Variants in FHIT observed in about 807,000 individuals in gnomAD.
The protein encoded by FHIT is fragile histidine triad diadenosine triphosphatase, also known as bis(5'-adenosyl)-triphosphatase.
FHIT carries 19 observed loss-of-function variants against 17.9 expected under a neutral mutation model. That is an observed-to-expected ratio of 1.06 (90% CI 0.74 to 1.56). The LOEUF (loss-of-function observed/expected upper bound fraction) is 1.56, where lower values mean the gene tolerates loss of function less well. Among genes scored for constraint, FHIT ranks in the 40% most tolerant of loss-of-function variants. FHIT has a pLI of 0.00. For missense variants in FHIT, 248 were observed against 189.2 expected (o/e 1.31, Z -1.82); for synonymous variants, 81 against 69.7 (o/e 1.16, Z -0.81).
chr3:60,900,375 T>C (rs149305876), intron 3 of FHIT, among the ~76,000 whole-genome samples: 32 of 152,006 alleles, frequency 2.1e-4, no homozygotes, highest in African/African-American at 7.7e-4. Context: ...TAGTGCACTA[T>C]GATTATACCT....
rs192368427 is a variant in FHIT, at chr3:60,285,449, G to A, written c.103+251411C>T. On this transcript the variant is annotated intron_variant, in intron 5 of 9. Coordinates refer to ENST00000492590, the MANE Select transcript of FHIT (RefSeq NM_002012.4). ...GAGATAAATAAAATGAATAATGAAC[G>A]GCAGACTTAAAAATTATGACATTTT... is the stretch of plus-strand genomic sequence containing the variant. Among the ~76,000 whole-genome samples the A allele has an allele frequency of 6.0e-3, 913 of 152,106 alleles. 5 individuals are homozygous for A. Among genetic ancestry groups the A allele is most frequent in the South Asian group, 0.015 (70 of 4,800 alleles).
intron 8 of FHIT, among the ~76,000 whole-genome samples, chr3:59,893,569 C>A (rs916807795): frequency 6.6e-6 from 1 of 152,174 alleles, no homozygotes; most frequent in African/African-American, 2.4e-5. Context: ...ATTATAAGTG[C>A]GCTGAACAGC....
At chr3:61,151,603 TCA>T in intron 2 of FHIT, among the ~76,000 whole-genome samples, 1 of 147,830 alleles carries the variant, frequency 6.8e-6, no homozygotes. Context: ...AGATGGAGTC[TCA>T]CTCTGCCACC....
chr3:59,947,159 T>C (rs1706850679), intron 7 of FHIT, among the ~76,000 whole-genome samples: 1 of 152,184 alleles, frequency 6.6e-6, no homozygotes, highest in African/African-American at 2.4e-5. Flanking sequence ...TTTCTAGTTG[T>C]TGGGCAATTT....
chr3:60,117,334 A>C (rs1310992765), intron 5 of FHIT, among the ~76,000 whole-genome samples: 1 of 152,176 alleles, frequency 6.6e-6, no homozygotes, highest in Non-Finnish European at 1.5e-5. Context: ...AAAATATGGA[A>C]GTTCAAATTG....
chr3:61,101,039 G>A (rs2035804926), intron 2 of FHIT, among the ~76,000 whole-genome samples: 1 of 152,162 alleles, frequency 6.6e-6, no homozygotes, highest in South Asian at 2.1e-4. Context: ...AGTTTCTTTT[G>A]CTGTGCAGAA....
At chr3:60,493,786 T>C (rs1427575244) in intron 5 of FHIT, among the ~76,000 whole-genome samples, 1 of 152,170 alleles carries the variant, frequency 6.6e-6, no homozygotes, top group Non-Finnish European at 1.5e-5. Context: ...ATACTTAGAA[T>C]TGGATTTCAA....
chr3:60,515,935 C>G (rs963346472), intron 5 of FHIT, among the ~76,000 whole-genome samples: 2 of 152,194 alleles, frequency 1.3e-5, no homozygotes, highest in Non-Finnish European at 2.9e-5. Flanking sequence ...CCCATGAATA[C>G]TGCCTCTGGG....
chr3:60,337,658 C>T (rs1307518265), intron 5 of FHIT, among the ~76,000 whole-genome samples: 1 of 152,150 alleles, frequency 6.6e-6, no homozygotes, highest in African/African-American at 2.4e-5. Flanking sequence ...CTGTCTCGTA[C>T]ACCCCACTGC....
chr3:60,741,240 A>G (rs1190280399), intron 4 of FHIT, among the ~76,000 whole-genome samples: 1 of 152,198 alleles, frequency 6.6e-6, no homozygotes, highest in Non-Finnish European at 1.5e-5. Context: ...AAGAGTTCCT[A>G]ATTTCACCTC....
In FHIT at chr3:60,917,770, T is replaced by C. The variant is rs77583332; in HGVS notation, c.-110-95759A>G. Among the ~76,000 whole-genome samples the C allele has an allele frequency of 6.7e-3, 1,020 of 152,382 alleles. 10 individuals carry two copies. The highest frequency in any genetic ancestry group is 0.017 in the South Asian group (80 of 4,832). On this transcript the variant is annotated intron_variant, in intron 3 of 9. Transcript: ENST00000492590. ...CAAATGCATGCAGATTTACTTTCCT[T>C]ATATCATTTAACTCCACTCGACATT...
chr3:61,142,089 G>A (rs1456669322), intron 2 of FHIT, among the ~76,000 whole-genome samples: 1 of 150,862 alleles, frequency 6.6e-6, no homozygotes, highest in Non-Finnish European at 1.5e-5. Flanking sequence ...GGCTCATGGA[G>A]ATATTATCTT....
intron 5 of FHIT, among the ~76,000 whole-genome samples, chr3:60,360,236 A>C (rs1464244766): frequency 6.6e-6 from 1 of 152,168 alleles, no homozygotes; most frequent in East Asian, 1.9e-4. Context: ...TGGGGCAAGA[A>C]AATTTTTTTT....
chr3:60,778,136 C>T (rs782766514), intron 4 of FHIT, among the ~76,000 whole-genome samples: 3 of 152,086 alleles, frequency 2.0e-5, no homozygotes, highest in Non-Finnish European at 4.4e-5. Context: ...ATATATGTTC[C>T]AAAATTGTAT....
intron 4 of FHIT, among the ~76,000 whole-genome samples, chr3:60,688,963 T>A (rs1644603350): frequency 6.6e-6 from 1 of 152,176 alleles, no homozygotes. Flanking sequence ...TGTGGCTCTG[T>A]GTCCCCACCC....
At chr3:60,615,705 A>T (rs2038930872) in intron 4 of FHIT, among the ~76,000 whole-genome samples, 1 of 152,230 alleles carries the variant, frequency 6.6e-6, no homozygotes, top group African/African-American at 2.4e-5. Flanking sequence ...TAAAAGAAAC[A>T]ATCTTAACCT....
intron 4 of FHIT, among the ~76,000 whole-genome samples, chr3:60,806,684 G>A (rs1322117479): frequency 6.6e-6 from 1 of 152,160 alleles, no homozygotes; most frequent in Non-Finnish European, 1.5e-5. Flanking sequence ...TTTCTTGCCA[G>A]ACCTTTTAAC....
intron 5 of FHIT, among the ~76,000 whole-genome samples, chr3:60,118,327 T>C (rs1237363772): frequency 6.6e-6 from 1 of 151,582 alleles, no homozygotes; most frequent in Non-Finnish European, 1.5e-5. Context: ...AGGATGGTCT[T>C]GAACTCCTGG....
At chr3:60,275,109 G>A (rs937966691) in intron 5 of FHIT, among the ~76,000 whole-genome samples, 15 of 151,580 alleles carry the variant, frequency 9.9e-5, no homozygotes, top group South Asian at 6.3e-4. Context: ...ATTTATTTGT[G>A]ATAACTAGAA....
Sources: allele counts gnomAD v4.1 joint callset (sites outside exome capture counted in the v4.1 genomes callset), GRCh38; gene constraint gnomAD v4.1.1; transcripts MANE v1.5; gene names NCBI Gene and HGNC (gene_info 2026-07-23, HGNC 2026-07-21).